HERC4: variants seen among roughly 807,000 people sequenced by gnomAD.
HERC4 encodes HECT and RLD domain containing E3 ubiquitin protein ligase 4, also known as probable E3 ubiquitin-protein ligase HERC4.
A neutral mutation model predicts 124.3 loss-of-function variants in HERC4; 28 were observed. The observed-to-expected ratio is 0.23, with a 90% CI of 0.17 to 0.31. HERC4 has a LOEUF of 0.31. Ranked by LOEUF, HERC4 falls within the 10% of genes least tolerant of loss-of-function variation. HERC4 has a pLI of 1.00. For missense variants in HERC4, 713 were observed against 1,229.3 expected (o/e 0.58, Z 6.28); for synonymous variants, 407 against 421.5 (o/e 0.97, Z 0.42).
intron 20 of HERC4, among the ~76,000 whole-genome samples, chr10:67,940,481 G>A (rs182536195): frequency 5.9e-4 from 90 of 151,610 alleles, no homozygotes; most frequent in African/African-American, 1.2e-3. Context: ...GTGAAATGGC[G>A]CAATCTGGGC....
chr10:67,989,872 T>C (rs1172582537), intron 14 of HERC4, among the ~76,000 whole-genome samples: 5 of 151,910 alleles, frequency 3.3e-5, no homozygotes, highest in Non-Finnish European at 7.4e-5. Flanking sequence ...CCCATGTTTG[T>C]TCAGTTTTAA....
intron 8 of HERC4, among the ~76,000 whole-genome samples, chr10:68,018,462 TTA>T (rs2038396825): frequency 6.6e-6 from 1 of 152,188 alleles, no homozygotes; most frequent in Non-Finnish European, 1.5e-5. Context: ...AAAGGAAACA[TTA>T]TGTTACAGTA....
intron 7 of HERC4, 86 bp from the exon 8 acceptor site, chr10:68,025,762 T>A (rs1458599033): frequency 7.2e-7 from 1 of 1,391,958 alleles, no homozygotes; most frequent in African/African-American, 1.5e-5. Context: ...AAATCTTTAA[T>A]ATAAACTCAG....
intron 19 of HERC4, among the ~76,000 whole-genome samples, chr10:67,949,674 C>T (rs1232048042): frequency 6.6e-6 from 1 of 152,138 alleles, no homozygotes; most frequent in African/African-American, 2.4e-5. Context: ...AATCAACCAG[C>T]ATAATGTACC....
At position 68,030,880 on chromosome 10, in the gene HERC4, G is replaced by GC. The variant is rs1168951953; in HGVS notation, c.777+1897_777+1898insG. 3.3e-5 allele frequency among the ~76,000 whole-genome samples: 5 copies of GC among 152,162 alleles called. No homozygotes were observed. In the East Asian group the frequency reaches 9.6e-4, roughly 29 times the overall value. On this transcript the variant is annotated intron_variant, in intron 7 of 24. Coordinates refer to ENST00000373700, the MANE Select transcript of HERC4 (RefSeq NM_015601.4). The stretch of plus-strand genomic sequence containing the variant: ...CATGGTATGTCTTTCCATTTATTCT[G>GC]TTTTTAAAAGTTGGTTTTAAAATCT...
At chr10:68,038,827 T>C (rs1195230415) in intron 4 of HERC4, among the ~76,000 whole-genome samples, 1 of 152,212 alleles carries the variant, frequency 6.6e-6, no homozygotes, top group Non-Finnish European at 1.5e-5. Context: ...CTTTCGTAAT[T>C]TCCTTCCCCC....
At chr10:68,003,990 T>C (rs1346805015) in intron 9 of HERC4, among the ~76,000 whole-genome samples, 2 of 152,104 alleles carry the variant, frequency 1.3e-5, no homozygotes, top group African/African-American at 4.8e-5. Context: ...GCGTTCCCTT[T>C]TCTCCATATC....
intron 5 of HERC4, among the ~76,000 whole-genome samples, chr10:68,036,052 C>T (rs944834185): frequency 9.2e-5 from 14 of 152,080 alleles, no homozygotes; most frequent in Non-Finnish European, 1.6e-4. Context: ...CAGTGGCTCA[C>T]GCCTGTAATC....
chr10:67,972,630 T>C (rs962709681), intron 15 of HERC4, among the ~76,000 whole-genome samples: 30 of 135,982 alleles, frequency 2.2e-4, no homozygotes, highest in African/African-American at 8.0e-4. Context: ...ATCAAAAACA[T>C]AAAACATTTA....
At chr10:67,963,360 G>A (rs998223530) in intron 16 of HERC4, among the ~76,000 whole-genome samples, 1 of 152,130 alleles carries the variant, frequency 6.6e-6, no homozygotes, top group East Asian at 1.9e-4. Context: ...GGGATTACAG[G>A]TGCCCGCCAC....
chr10:67,982,224 G>A (rs149505580), intron 15 of HERC4, among the ~76,000 whole-genome samples: 147 of 152,064 alleles, frequency 9.7e-4, no homozygotes, highest in African/African-American at 3.1e-3. Context: ...ATAGTGCAGC[G>A]GTATAGTAAT....
At position 67,956,863 on chromosome 10, in the gene HERC4, CAAAT is replaced by C. The variant is rs754757037; in HGVS notation, c.2025+11_2025+14del. The C allele has an allele frequency of 8.7e-6, 13 of 1,486,194 alleles. No individual in the cohort carries two copies. The highest frequency in any genetic ancestry group is 1.2e-5 in the Non-Finnish European group (13 of 1,098,922). The allele number at this position is 1,486,194 out of a possible 1,614,324, so 92.1% of individuals were successfully genotyped here. On this transcript the variant is annotated intron_variant, in intron 17 of 24. Transcript: ENST00000373700. Reference sequence around the variant, plus strand: ...AAACAATTAAAAAAAAAAACCCTCTCAAATAATATTTTACCTGCATCTGTAAGAC... The same window carrying C: ...AAACAATTAAAAAAAAAAACCCTCTCAATATTTTACCTGCATCTGTAAGAC...
chr10:68,055,477 C>G (rs1170131282), intron 3 of HERC4, among the ~76,000 whole-genome samples: 2 of 152,004 alleles, frequency 1.3e-5, no homozygotes, highest in Non-Finnish European at 1.5e-5. Context: ...AGTTCATACC[C>G]CTTTTATATA....
chr10:67,981,112 T>C (rs951034721), intron 15 of HERC4, among the ~76,000 whole-genome samples: 1 of 152,020 alleles, frequency 6.6e-6, no homozygotes, highest in African/African-American at 2.4e-5. Flanking sequence ...GCTGCATGAA[T>C]AGAAAAATAA....
At chr10:68,044,648 A>G in intron 3 of HERC4, 85 bp from the exon 4 acceptor site, 1 of 1,235,416 alleles carries the variant, frequency 8.1e-7, no homozygotes, top group Non-Finnish European at 1.2e-6. Flanking sequence ...AACTTCCAAT[A>G]AGAACAAAAC....
At chr10:67,977,684 C>T (rs908834983) in intron 15 of HERC4, among the ~76,000 whole-genome samples, 4 of 152,132 alleles carry the variant, frequency 2.6e-5, no homozygotes, top group African/African-American at 9.7e-5. Context: ...CACAAGCTGA[C>T]TAAAGAGCCC....
intron 1 of HERC4, chr10:68,074,160 A>C (rs2041699106): frequency 6.6e-6 from 1 of 152,242 alleles, no homozygotes; most frequent in Admixed American, 6.5e-5. Flanking sequence ...CCTCACTTGT[A>C]AAGAAAGACA....
chr10:67,967,696 C>T (rs1196017416), intron 15 of HERC4, among the ~76,000 whole-genome samples: 1 of 152,036 alleles, frequency 6.6e-6, no homozygotes, highest in East Asian at 1.9e-4. Flanking sequence ...GGTGATATAG[C>T]TCAACAAGAA....
intron 3 of HERC4, chr10:68,069,105 C>T (rs2041443857): frequency 1.0e-6 from 1 of 979,366 alleles, no homozygotes; most frequent in Admixed American, 6.2e-5. Flanking sequence ...CAAAACATAA[C>T]CATGGTCACC....
Sources: allele counts gnomAD v4.1 joint callset (sites outside exome capture counted in the v4.1 genomes callset), GRCh38; gene constraint gnomAD v4.1.1; transcripts MANE v1.5; gene names NCBI Gene and HGNC (gene_info 2026-07-23, HGNC 2026-07-21).